Variants in TMEM132D observed in about 807,000 individuals in gnomAD.
The protein encoded by TMEM132D is mature OL transmembrane protein.
In TMEM132D, 21 loss-of-function variants were observed where a neutral mutation model predicts 62.3. The ratio of observed to expected loss-of-function variants is 0.34; its 90% CI spans 0.24 to 0.49. The LOEUF is 0.49. Ranked by LOEUF, TMEM132D falls within the 20% of genes least tolerant of loss-of-function variation. The pLI is 0.99. For missense variants in TMEM132D, 1,346 were observed against 1,402.8 expected, an observed-to-expected ratio of 0.96 and a Z score of 0.65; for synonymous variants, 621 against 575.6, an observed-to-expected ratio of 1.08 and a Z score of -1.13.
intron 5 of TMEM132D, among the ~76,000 whole-genome samples, chr12:129,145,358 G>C (rs576657112): frequency 1.3e-5 from 2 of 152,060 alleles, no homozygotes; most frequent in Non-Finnish European, 2.9e-5. Context: ...TTTACTTGGC[G>C]GGTGGGGGGT....
chr12:129,603,731 T>C (rs112111632), intron 2 of TMEM132D, among the ~76,000 whole-genome samples: 15,099 of 152,046 alleles, frequency 0.099, 864 homozygotes, highest in African/African-American at 0.15. Flanking sequence ...GGAGTGTAAA[T>C]TAGTTCAACC....
intron 3 of TMEM132D, among the ~76,000 whole-genome samples, chr12:129,374,440 G>A (rs1870721564): frequency 6.6e-6 from 1 of 152,132 alleles, no homozygotes; most frequent in South Asian, 2.1e-4. Flanking sequence ...TGAATTTGGG[G>A]ATGGACACAT....
intron 4 of TMEM132D, among the ~76,000 whole-genome samples, chr12:129,242,277 A>G (rs1188378585): frequency 6.6e-6 from 1 of 152,242 alleles, no homozygotes; most frequent in Non-Finnish European, 1.5e-5. Flanking sequence ...TCAACCAAGA[A>G]GAGGAGCAAA....
At chr12:129,227,861 T>A (rs1325465968) in intron 4 of TMEM132D, among the ~76,000 whole-genome samples, 1 of 152,200 alleles carries the variant, frequency 6.6e-6, no homozygotes, top group Non-Finnish European at 1.5e-5. Context: ...TGGTTTTTTG[T>A]CCTTGCGATA....
rs959468737 is a variant in TMEM132D at position 129,558,911 on chromosome 12, G to A, written c.969-27706C>T. 5.9e-4 allele frequency among the ~76,000 whole-genome samples: 89 copies of A among 152,106 alleles called. 1 individual carries two copies. Among genetic ancestry groups the A allele is most frequent in the African/African-American group, 6.3e-4 (26 of 41,400 alleles). On this transcript the variant is annotated intron_variant, in intron 2 of 8. Transcript: ENST00000422113. Reference sequence around the variant, plus strand: ...GGCACTCAATTATTGGAACTCCTACGACAAAAACTGTACAGTAATCCGTCA... The same window carrying A: ...GGCACTCAATTATTGGAACTCCTACAACAAAAACTGTACAGTAATCCGTCA...
chr12:129,525,431 T>C (rs1566098324), intron 3 of TMEM132D, among the ~76,000 whole-genome samples: 1 of 152,014 alleles, frequency 6.6e-6, no homozygotes, highest in Non-Finnish European at 1.5e-5. Context: ...GGTATACCAC[T>C]AATGTGATTC....
chr12:129,429,280 G>C (rs1034401234), intron 3 of TMEM132D, among the ~76,000 whole-genome samples: 3 of 152,246 alleles, frequency 2.0e-5, no homozygotes, highest in Non-Finnish European at 4.4e-5. Flanking sequence ...AGCTGAATCT[G>C]TCAGTCAGGG....
intron 3 of TMEM132D, among the ~76,000 whole-genome samples, chr12:129,463,877 T>C (rs960268858): frequency 2.6e-5 from 4 of 151,402 alleles, no homozygotes; most frequent in African/African-American, 9.7e-5. Flanking sequence ...TCTATCATTG[T>C]TGGACATTTG....
At chr12:129,411,071 A>G (rs77050223) in intron 3 of TMEM132D, among the ~76,000 whole-genome samples, 2,510 of 152,196 alleles carry the variant, frequency 0.016, 72 homozygotes, top group African/African-American at 0.058. Flanking sequence ...TGATAATTTC[A>G]TGCTTATCTT....
intron 5 of TMEM132D, among the ~76,000 whole-genome samples, chr12:129,120,480 G>A (rs750897576): frequency 6.6e-6 from 1 of 152,146 alleles, no homozygotes; most frequent in African/African-American, 2.4e-5. Context: ...AAACTGCGAG[G>A]CATTCCAAAA....
chr12:129,394,456 G>A lies in TMEM132D; in HGVS notation c.1116-56639C>T, dbSNP rs181335582. 3.7e-3 allele frequency among the ~76,000 whole-genome samples: 569 copies of A among 152,326 alleles called. 1 individual carries two copies. Among genetic ancestry groups the A allele is most frequent in the African/African-American group, 0.013 (539 of 41,574 alleles). On this transcript the variant is annotated intron_variant, in intron 3 of 8. Coordinates refer to ENST00000422113, the MANE Select transcript of TMEM132D (RefSeq NM_133448.3). Reference sequence around the variant, plus strand: ...AATGACAGTAAGTGTTTTTCTCACTGATCTCTACTAAGGAAACAGCTACAC... The same window carrying A: ...AATGACAGTAAGTGTTTTTCTCACTAATCTCTACTAAGGAAACAGCTACAC...
At chr12:129,178,618 T>G (rs1436129759) in intron 5 of TMEM132D, among the ~76,000 whole-genome samples, 2 of 152,170 alleles carry the variant, frequency 1.3e-5, no homozygotes, top group African/African-American at 4.8e-5. Flanking sequence ...ATAGGCCTTC[T>G]TAGGGTGATA....
chr12:129,221,857 T>G (rs2135573857), intron 4 of TMEM132D, among the ~76,000 whole-genome samples: 1 of 152,230 alleles, frequency 6.6e-6, no homozygotes, highest in South Asian at 2.1e-4. Flanking sequence ...GGGCTGTGGG[T>G]TTTTTATTTC....
At chr12:129,125,677 T>C (rs12307818) in intron 5 of TMEM132D, among the ~76,000 whole-genome samples, 2 of 151,928 alleles carry the variant, frequency 1.3e-5, no homozygotes, top group African/African-American at 4.8e-5. Flanking sequence ...TTTTTCTTTT[T>C]TTTTTGGTAT....
intron 4 of TMEM132D, among the ~76,000 whole-genome samples, chr12:129,288,102 C>T (rs901145400): frequency 1.2e-4 from 18 of 152,196 alleles, no homozygotes; most frequent in African/African-American, 3.6e-4. Flanking sequence ...GGACCATTAT[C>T]GTGCACCATG....
At position 129,576,310 on chromosome 12, in the gene TMEM132D, A is replaced by G. The variant is rs577764060; in HGVS notation, c.969-45105T>C. 3.5e-4 allele frequency among the ~76,000 whole-genome samples: 53 copies of G among 151,934 alleles called. 1 individual carries two copies. The highest frequency in any genetic ancestry group is 1.2e-3 in the African/African-American group (51 of 41,242). ...CTTACTATAACGTTTTACAATTAAT[A>G]ATTATCTGGATTTGTAATTAAAATA... is the stretch of plus-strand genomic sequence containing the variant. On this transcript the variant is annotated intron_variant, in intron 2 of 8. Coordinates refer to ENST00000422113, the MANE Select transcript of TMEM132D (RefSeq NM_133448.3).
chr12:129,213,548 T>C (rs1018683847), intron 4 of TMEM132D, among the ~76,000 whole-genome samples: 57 of 152,192 alleles, frequency 3.7e-4, no homozygotes, highest in African/African-American at 1.2e-3. Flanking sequence ...AGAGGCTGGG[T>C]AATTTATAAG....
At chr12:129,342,728 AGAAAAAAACAAACAACCCCATC>A (rs1869537626) in intron 3 of TMEM132D, among the ~76,000 whole-genome samples, 1 of 152,178 alleles carries the variant, frequency 6.6e-6, no homozygotes, top group African/African-American at 2.4e-5. Context: ...CAAACTTACA[AGAAAAAAACAAACAACCCCATC>A]AAAAAGTGGG....
At chr12:129,510,253 T>C (rs1177600813) in intron 3 of TMEM132D, among the ~76,000 whole-genome samples, 4 of 152,132 alleles carry the variant, frequency 2.6e-5, no homozygotes, top group Non-Finnish European at 1.5e-5. Flanking sequence ...ATGCCATTTG[T>C]ATGACTTCTC....
Sources: gnomAD v4.1 joint callset for allele counts (sites outside exome capture counted in the v4.1 genomes callset) on GRCh38, gnomAD v4.1.1 for gene constraint, MANE v1.5 for transcripts, NCBI Gene and HGNC (gene_info 2026-07-23, HGNC 2026-07-21) for gene names.